MAGI1: variants seen among roughly 807,000 people sequenced by gnomAD.
The protein encoded by MAGI1 is membrane-associated guanylate kinase, WW and PDZ domain-containing protein 1.
MAGI1 carries 58 observed loss-of-function variants against 139.9 expected under a neutral mutation model. That is an observed-to-expected ratio of 0.41 (90% CI 0.34 to 0.52). MAGI1 has a LOEUF of 0.52. Among genes scored for constraint, MAGI1 ranks in the 20% least tolerant of loss-of-function variants. MAGI1 has a pLI of 0.12. For missense variants in MAGI1, 1,874 were observed against 1,901.6 expected, an observed-to-expected ratio of 0.99 and a Z score of 0.27; for synonymous variants, 812 against 737.9, an observed-to-expected ratio of 1.10 and a Z score of -1.63.
chr3:65,569,251 G>A (rs530190424), intron 2 of MAGI1, among the ~76,000 whole-genome samples: 1 of 152,294 alleles, frequency 6.6e-6, no homozygotes, highest in African/African-American at 2.4e-5. Flanking sequence ...GAGACAGAAA[G>A]GAGAATTGTG....
At chr3:65,627,182 G>A (rs1160185406) in intron 1 of MAGI1, among the ~76,000 whole-genome samples, 2 of 152,114 alleles carry the variant, frequency 1.3e-5, no homozygotes, top group African/African-American at 2.4e-5. Context: ...ACAGTATTCA[G>A]GAAAGTAACA....
chr3:65,586,550 CA>C (rs1281682769), intron 2 of MAGI1, among the ~76,000 whole-genome samples: 5 of 152,016 alleles, frequency 3.3e-5, no homozygotes, highest in Non-Finnish European at 7.4e-5. Context: ...AGTTAATTTT[CA>C]AAATGAATAC....
intron 2 of MAGI1, among the ~76,000 whole-genome samples, chr3:65,610,895 ATATACT>A: frequency 7.1e-6 from 1 of 140,874 alleles, no homozygotes; most frequent in East Asian, 2.0e-4. Flanking sequence ...AGTAGATAGT[ATATACT>A]ATATAGTATA....
chr3:65,409,965 A>T (rs1485604399), intron 12 of MAGI1, among the ~76,000 whole-genome samples: 1 of 152,248 alleles, frequency 6.6e-6, no homozygotes, highest in Non-Finnish European at 1.5e-5. Flanking sequence ...CACATAGTCT[A>T]ATAAATATGT....
At chr3:65,438,126 T>G (rs1371595199) in intron 9 of MAGI1, among the ~76,000 whole-genome samples, 1 of 152,162 alleles carries the variant, frequency 6.6e-6, no homozygotes, top group Admixed American at 6.5e-5. Flanking sequence ...AGAATCAACC[T>G]AAGTGTCCAT....
At chr3:65,856,670 C>T (rs909380644) in intron 1 of MAGI1, among the ~76,000 whole-genome samples, 3 of 152,192 alleles carry the variant, frequency 2.0e-5, no homozygotes, top group African/African-American at 4.8e-5. Flanking sequence ...GACATCATCA[C>T]GTGCTACACC....
chr3:65,990,180 A>T (rs1367838790), intron 1 of MAGI1, among the ~76,000 whole-genome samples: 1 of 152,140 alleles, frequency 6.6e-6, no homozygotes, highest in Admixed American at 6.5e-5. Context: ...GGGGAGGGAA[A>T]GAAAGAGGTA....
At chr3:65,557,484 A>T (rs1404785884) in intron 2 of MAGI1, among the ~76,000 whole-genome samples, 2 of 151,874 alleles carry the variant, frequency 1.3e-5, no homozygotes, top group African/African-American at 4.8e-5. Context: ...CAGCTATACC[A>T]CCCCTGGATT....
intron 1 of MAGI1, among the ~76,000 whole-genome samples, chr3:65,629,781 A>G (rs1276299405): frequency 6.6e-6 from 1 of 152,178 alleles, no homozygotes; most frequent in East Asian, 1.9e-4. Flanking sequence ...AAAGCAATAT[A>G]AATCACTGGA....
intron 12 of MAGI1, among the ~76,000 whole-genome samples, chr3:65,420,222 T>C (rs1946543922): frequency 6.6e-6 from 1 of 152,102 alleles, no homozygotes; most frequent in Non-Finnish European, 1.5e-5. Flanking sequence ...TGGCCTCCAG[T>C]CTCTGACTTC....
chr3:65,958,351 A>G (rs2064238262), intron 1 of MAGI1, among the ~76,000 whole-genome samples: 1 of 152,232 alleles, frequency 6.6e-6, no homozygotes, highest in Non-Finnish European at 1.5e-5. Context: ...ACTCAGCAAC[A>G]TTTTAAACTC....
At chr3:65,505,690 C>A (rs1576071278) in intron 2 of MAGI1, among the ~76,000 whole-genome samples, 1 of 150,380 alleles carries the variant, frequency 6.6e-6, no homozygotes, top group Admixed American at 6.6e-5. Flanking sequence ...CTAATAGCTA[C>A]ATGGTTTCTT....
chr3:66,004,101 G>GA (rs1311329214), intron 1 of MAGI1, among the ~76,000 whole-genome samples: 1 of 152,106 alleles, frequency 6.6e-6, no homozygotes, highest in East Asian at 1.9e-4. Flanking sequence ...CAGATGTGGG[G>GA]AAAAAAATCC....
chr3:65,758,688 AC>A (rs1478401936), intron 1 of MAGI1, among the ~76,000 whole-genome samples: 1 of 152,150 alleles, frequency 6.6e-6, no homozygotes, highest in Non-Finnish European at 1.5e-5. Flanking sequence ...ACTGCTAAAT[AC>A]CCTACAATGC....
chr3:65,915,253 T>C (rs1421489167), intron 1 of MAGI1, among the ~76,000 whole-genome samples: 1 of 152,260 alleles, frequency 6.6e-6, no homozygotes, highest in Non-Finnish European at 1.5e-5. Context: ...TGTTCACATT[T>C]GAACAGCAGC....
At chr3:65,484,424 T>C (rs946600582) in intron 3 of MAGI1, among the ~76,000 whole-genome samples, 2 of 152,160 alleles carry the variant, frequency 1.3e-5, no homozygotes, top group African/African-American at 4.8e-5. Flanking sequence ...CAGCATGCAT[T>C]TTCAACGGGG....
intron 1 of MAGI1, among the ~76,000 whole-genome samples, chr3:65,853,592 A>G (rs34654841): frequency 0.019 from 2,890 of 152,290 alleles, 43 homozygotes; most frequent in Non-Finnish European, 0.03. Context: ...CATTAACTTA[A>G]TATTAGGGAG....
At chr3:65,448,286 T>C (rs999875030) in intron 6 of MAGI1, 34 of 590,108 alleles carry the variant, frequency 5.8e-5, no homozygotes, top group Non-Finnish European at 8.5e-5. Flanking sequence ...CATGGCTCAT[T>C]TCCTTGCATG....
chr3:65,497,424 CACAA>C (rs1314834205), intron 2 of MAGI1, among the ~76,000 whole-genome samples: 2 of 152,260 alleles, frequency 1.3e-5, no homozygotes, highest in East Asian at 1.9e-4. Flanking sequence ...ACCTCTAAAA[CACAA>C]ACAGTCTACA....
Sources: allele counts gnomAD v4.1 joint callset (sites outside exome capture counted in the v4.1 genomes callset), GRCh38; gene constraint gnomAD v4.1.1; transcripts MANE v1.5; gene names NCBI Gene and HGNC (gene_info 2026-07-23, HGNC 2026-07-21).